CDK5RAP1: variants seen among roughly 807,000 people sequenced by gnomAD.
The protein encoded by CDK5RAP1 is CDK5RAP1 mitochondrial tRNA methylthiotransferase.
CDK5RAP1 carries 62 observed loss-of-function variants against 64.5 expected under a neutral mutation model. The observed-to-expected ratio is 0.96, with a 90% confidence interval of 0.78 to 1.19. The LOEUF is 1.19. CDK5RAP1 is among the 50% of genes most tolerant of loss of function. CDK5RAP1 has a pLI of 0.00. For missense variants in CDK5RAP1, 657 were observed against 735.0 expected, an observed-to-expected ratio of 0.89 and a Z score of 1.23; for synonymous variants, 250 against 261.9, an observed-to-expected ratio of 0.95 and a Z score of 0.44.
chr20:33,393,523 G>A (rs1988564538), intron 4 of CDK5RAP1, among the ~76,000 whole-genome samples: 4 of 152,002 alleles, frequency 2.6e-5, no homozygotes. Context: ...GAACAAAAAT[G>A]TCAGATGAAT....
chr20:33,396,726 AG>A lies in CDK5RAP1; in HGVS notation c.304+34del, dbSNP rs1432545770. On this transcript the variant is annotated intron_variant, in intron 2 of 13. Transcript: ENST00000346416. ...CAGGAATGACAGAGAGGAGCAAGGC[AG>A]GAAGCCCAAAGGGATAAGCGAAGTA... 3 of 1,483,326 alleles carry A rather than the reference AG, an allele frequency of 2.0e-6. No individual in the cohort carries two copies. In the African/African-American group the frequency reaches 4.2e-5, roughly 21 times the overall value. The allele number at this position is 1,483,326 out of a possible 1,614,324, so 91.9% of individuals were successfully genotyped here.
chr20:33,376,926 G>A (rs924284135), intron 8 of CDK5RAP1, among the ~76,000 whole-genome samples: 8 of 152,162 alleles, frequency 5.3e-5, no homozygotes, highest in Middle Eastern at 3.2e-3. Context: ...AGGGGCTCAC[G>A]ACTTCAGTGG....
intron 8 of CDK5RAP1, among the ~76,000 whole-genome samples, chr20:33,379,146 C>A (rs1986416511): frequency 6.6e-6 from 1 of 152,124 alleles, no homozygotes; most frequent in African/African-American, 2.4e-5. Context: ...TATCCCACCC[C>A]ACCCAGCTAA....
In CDK5RAP1 at chr20:33,395,005, G is replaced by A; in HGVS notation, c.408+8C>T. ...CCAGGAAACAAAGGAAATAGGAAAT[G>A]CATGTACCTCTTGGAGGTTACTGGT... On this transcript the variant is annotated splice_region_variant and intron_variant, in intron 3 of 13. Transcript: ENST00000346416. 1 of 1,500,694 alleles carries A rather than the reference G, an allele frequency of 6.7e-7. No individual in the cohort carries two copies. The highest frequency in any genetic ancestry group is 1.4e-5 in the African/African-American group (1 of 72,850). 93.0% of individuals were successfully genotyped at this position (1,500,694 alleles called of 1,614,324 possible).
At chr20:33,364,535 G>GA (rs1983534789) in intron 12 of CDK5RAP1, among the ~76,000 whole-genome samples, 1 of 151,966 alleles carries the variant, frequency 6.6e-6, no homozygotes, top group African/African-American at 2.4e-5. Flanking sequence ...AGGAGCAGTG[G>GA]AAATGAAACA....
chr20:33,376,955 T>C (rs181427686), intron 8 of CDK5RAP1, among the ~76,000 whole-genome samples: 1 of 152,302 alleles, frequency 6.6e-6, no homozygotes, highest in South Asian at 2.1e-4. Context: ...ACATCCTCTT[T>C]AGCATCATTC....
intron 11 of CDK5RAP1, among the ~76,000 whole-genome samples, chr20:33,369,788 A>G (rs1472532018): frequency 6.6e-6 from 1 of 152,172 alleles, no homozygotes; most frequent in East Asian, 1.9e-4. Flanking sequence ...ATGGCAGCTC[A>G]GTAACAATGA....
intron 9 of CDK5RAP1, 156 bp downstream of exon 9, chr20:33,373,959 A>C (rs1251541081): frequency 3.1e-6 from 2 of 651,650 alleles, no homozygotes; most frequent in Non-Finnish European, 5.5e-6. Flanking sequence ...AGCAGAAGCA[A>C]ACTCCAGTGC....
chr20:33,363,151 T>C (rs112882323), intron 12 of CDK5RAP1, among the ~76,000 whole-genome samples: 3,125 of 152,248 alleles, frequency 0.021, 103 homozygotes, highest in African/African-American at 0.07. Flanking sequence ...CTGAATCTTA[T>C]CATGAAAATA....
At chr20:33,372,162 A>C (rs1985136953) in intron 10 of CDK5RAP1, among the ~76,000 whole-genome samples, 1 of 152,148 alleles carries the variant, frequency 6.6e-6, no homozygotes, top group Non-Finnish European at 1.5e-5. Context: ...AAGTATTCTA[A>C]CTCAAAAGTG....
chr20:33,395,036 G>A lies in CDK5RAP1; in HGVS notation c.385C>T (p.Leu129=). Residue 129 remains leucine (L), a synonymous_variant, in exon 3 of 14, where the codon CTG becomes TTG. Transcript: ENST00000346416. ...AWSILQKSGY[L]RTSNLQEADV... is the part of the protein sequence containing the mutation. ...ACCTCTTGGAGGTTACTGGTCCGCA[G>A]GTAGCCACTCTTCTGTAAGATGGAC... 5 of 1,609,154 alleles carry A rather than the reference G, an allele frequency of 3.1e-6. No homozygotes were observed. The highest frequency in any genetic ancestry group is 4.3e-6 in the Non-Finnish European group (5 of 1,175,518).
At chr20:33,392,461 G>GTT (rs1988430670) in intron 4 of CDK5RAP1, among the ~76,000 whole-genome samples, 1 of 142,500 alleles carries the variant, frequency 7.0e-6, no homozygotes, top group African/African-American at 2.6e-5. Flanking sequence ...TTTTGGGGGG[G>GTT]ATTTTTTTTT....
intron 13 of CDK5RAP1, chr20:33,360,075 C>T: frequency 2.5e-6 from 1 of 394,220 alleles, no homozygotes; most frequent in Non-Finnish European, 4.6e-6. Context: ...CACCTCCTGG[C>T]CTCTCTGCAG....
At chr20:33,395,351 T>C (rs1369582084) in intron 2 of CDK5RAP1, among the ~76,000 whole-genome samples, 2 of 152,172 alleles carry the variant, frequency 1.3e-5, no homozygotes, top group Non-Finnish European at 2.9e-5. Context: ...TTCATGCCTA[T>C]AATCCCAGTA....
chr20:33,373,014 T>G (rs1174863364), intron 9 of CDK5RAP1: 4 of 226,562 alleles, frequency 1.8e-5, no homozygotes, highest in Non-Finnish European at 3.4e-5. Flanking sequence ...TGGGCTCAAG[T>G]GATCCTTCCA....
In CDK5RAP1 at chr20:33,370,529, C is replaced by G. The variant is rs769980619; in HGVS notation, c.1362G>C (p.Met454Ile). 6.2e-7 allele frequency: 1 copy of G among 1,614,154 alleles called. No individual in the cohort carries two copies. The highest frequency in any genetic ancestry group is 8.5e-7 in the Non-Finnish European group (1 of 1,180,024). The change falls in exon 11 of 14, where the codon ATG becomes ATC. Residue 454 changes from methionine to isoleucine, a missense_variant. Met to Ile is a conservative substitution (Grantham distance 10). Coordinates refer to ENST00000346416, the MANE Select transcript of CDK5RAP1 (RefSeq NM_016408.4). ...VSLLREVQYN[M>I]GFLFAYSMRQ... is the part of the protein sequence containing the mutation. ...TCATGCTGTAGGCAAAGAGGAAGCC[C>G]ATGTTGTACTGAACTTCCCGGAGCA...
At chr20:33,375,127 C>T (rs901077605) in intron 8 of CDK5RAP1, among the ~76,000 whole-genome samples, 5 of 149,458 alleles carry the variant, frequency 3.3e-5, no homozygotes, top group African/African-American at 7.4e-5. Flanking sequence ...AGAGGCTGGG[C>T]GCAGTGGCTC....
intron 12 of CDK5RAP1, among the ~76,000 whole-genome samples, chr20:33,361,973 A>AAAGG (rs1555802558): frequency 1.3e-5 from 2 of 149,160 alleles, no homozygotes; most frequent in East Asian, 1.9e-4. Context: ...AAAAAAAAAA[A>AAAGG]AAGGAAGGAA....
chr20:33,388,958 T>TG (rs895505972), intron 5 of CDK5RAP1, among the ~76,000 whole-genome samples: 9 of 152,292 alleles, frequency 5.9e-5, no homozygotes, highest in African/African-American at 2.2e-4. Context: ...TGCAGTGGCG[T>TG]GACCTCCGCT....
Sources: allele counts gnomAD v4.1 joint callset (sites outside exome capture counted in the v4.1 genomes callset), GRCh38; gene constraint gnomAD v4.1.1; transcripts MANE v1.5; gene names NCBI Gene and HGNC (gene_info 2026-07-23, HGNC 2026-07-21).